DNAH5: variants seen among roughly 807,000 people sequenced by gnomAD.
DNAH5 encodes the protein axonemal beta dynein heavy chain 5.
In DNAH5, 372 loss-of-function variants were observed where a neutral mutation model predicts 518.2. The ratio of observed to expected loss-of-function variants is 0.72; its 90% CI spans 0.66 to 0.78. DNAH5 has a LOEUF of 0.78. Ranked by LOEUF, DNAH5 falls within the 30% of genes least tolerant of loss-of-function variation. The pLI is 0.00. For synonymous variants in DNAH5, 2,039 were observed against 2,025.9 expected (o/e 1.01, Z -0.17); for missense variants, 5,523 against 5,687.0 (o/e 0.97, Z 0.93).
At chr5:13,877,692 T>C (rs1771083905) in intron 21 of DNAH5, among the ~76,000 whole-genome samples, 1 of 152,034 alleles carries the variant, frequency 6.6e-6, no homozygotes, top group African/African-American at 2.4e-5. Flanking sequence ...AACCAGAGAA[T>C]TGGGAAAGGA....
At chr5:13,904,844 G>A (rs1021751168) in intron 12 of DNAH5, among the ~76,000 whole-genome samples, 1 of 152,092 alleles carries the variant, frequency 6.6e-6, no homozygotes, top group Admixed American at 6.6e-5. Flanking sequence ...CCAGCAGATC[G>A]AGGCTGCTGT....
At chr5:13,976,225 T>G (rs1782231222) in intron 1 of DNAH5, among the ~76,000 whole-genome samples, 1 of 152,232 alleles carries the variant, frequency 6.6e-6, no homozygotes, top group Non-Finnish European at 1.5e-5. Flanking sequence ...CTTTTTATTA[T>G]TAGATACAGT....
At chr5:13,830,902 G>A (rs922581089) in intron 35 of DNAH5, 127 bp from the exon 36 acceptor site, 25 of 850,232 alleles carry the variant, frequency 2.9e-5, no homozygotes, top group South Asian at 8.6e-5. Context: ...CTAACATTTC[G>A]AATACAACAT....
intron 67 of DNAH5, among the ~76,000 whole-genome samples, 170 bp downstream of exon 67, chr5:13,735,648 A>G (rs1747287473): frequency 6.6e-6 from 1 of 152,230 alleles, no homozygotes; most frequent in African/African-American, 2.4e-5. Flanking sequence ...TTCTCTGGGC[A>G]TAAAATGGCA....
In DNAH5 at chr5:13,922,118, G is replaced by C. The variant is rs754245472; in HGVS notation, c.649C>G (p.Leu217Val). 6.2e-7 allele frequency: 1 copy of C among 1,614,028 alleles called. No homozygotes were observed. The highest frequency in any genetic ancestry group is 8.5e-7 in the Non-Finnish European group (1 of 1,179,988). ...TTATTCGTCCTCACCTTCTCCTTCA[G>C]ACTCTCCTGTGCACCCGACAGGACG... ...VNVLSGAQES[L>V]KEKVNLRKCD... The change falls in exon 5 of 79, where the codon CTG (leucine) becomes GTG (valine). Residue 217 changes from leucine (L) to valine (V), a missense_variant. By Grantham distance (32) the Leu-to-Val change is conservative. This residue lies in a region of DNAH5 where 5,121 missense variants were observed against 5,223.3 expected (regional missense o/e 0.98). Transcript: ENST00000265104.
At chr5:13,889,904 G>A (rs947984493) in intron 17 of DNAH5, among the ~76,000 whole-genome samples, 3 of 152,072 alleles carry the variant, frequency 2.0e-5, no homozygotes, top group African/African-American at 7.2e-5. Context: ...TCCTAGTGGG[G>A]GTGGTCTTGG....
rs1752922339 is a variant in DNAH5, at chr5:13,769,074, C to G, written c.9783G>C (p.Lys3261Asn). 6.2e-7 allele frequency: 1 copy of G among 1,614,120 alleles called. No homozygotes were observed. The highest frequency in any genetic ancestry group is 1.3e-5 in the African/African-American group (1 of 74,950). Residue 3261 changes from lysine to asparagine, a missense_variant, in exon 58 of 79, where the codon AAG (lysine) becomes AAC (asparagine). Around this residue, in one of 3 missense-constraint regions of DNAH5, gnomAD observed 5,121 missense variants for 5,223.3 expected, o/e 0.98. Coordinates refer to ENST00000265104, the MANE Select transcript of DNAH5 (RefSeq NM_001369.3). ...AAEKVKAEVQ[K>N]VKDRAQAIVD... ...CAATGGCCTGGGCCCTGTCCTTCAC[C>G]TTCTGTACCTCAGCCTTGACCTTTT...
intron 1 of DNAH5, among the ~76,000 whole-genome samples, chr5:13,998,296 G>A (rs1475216749): frequency 1.3e-5 from 2 of 152,126 alleles, no homozygotes; most frequent in East Asian, 3.9e-4. Flanking sequence ...ACTTCCTTAA[G>A]CCCTTTATAA....
At chr5:13,983,632 C>T (rs1028922401) in intron 1 of DNAH5, among the ~76,000 whole-genome samples, 3 of 152,138 alleles carry the variant, frequency 2.0e-5, no homozygotes, top group Admixed American at 6.5e-5. Flanking sequence ...GGGTCCTGGA[C>T]CATGCTTTAA....
chr5:13,995,802 G>T (rs1272330799), intron 1 of DNAH5, among the ~76,000 whole-genome samples: 7 of 152,198 alleles, frequency 4.6e-5, no homozygotes, highest in Admixed American at 4.6e-4. Context: ...ATTTTCCAGA[G>T]TGAATACAAA....
intron 47 of DNAH5, among the ~76,000 whole-genome samples, chr5:13,805,149 T>G (rs971181795): frequency 1.3e-5 from 2 of 152,112 alleles, no homozygotes; most frequent in Admixed American, 6.5e-5. Context: ...GTTGAAGTTT[T>G]AAGTCACATG....
intron 1 of DNAH5, among the ~76,000 whole-genome samples, chr5:13,971,331 G>C (rs1781852813): frequency 6.6e-6 from 1 of 152,106 alleles, no homozygotes; most frequent in South Asian, 2.1e-4. Flanking sequence ...TGATCCTTTA[G>C]GGGTGTTAAA....
intron 1 of DNAH5, among the ~76,000 whole-genome samples, chr5:13,959,310 C>T (rs148898461): frequency 3.3e-5 from 5 of 152,274 alleles, no homozygotes; most frequent in Non-Finnish European, 5.9e-5. Flanking sequence ...CAGATACAGG[C>T]CATTTTGAAT....
intron 65 of DNAH5, among the ~76,000 whole-genome samples, chr5:13,742,995 A>G (rs1164937761): frequency 6.6e-6 from 1 of 152,096 alleles, no homozygotes; most frequent in African/African-American, 2.4e-5. Context: ...GGATATGGTT[A>G]TAGGCATATT....
intron 2 of DNAH5, among the ~76,000 whole-genome samples, chr5:13,930,359 C>T (rs1340457674): frequency 1.3e-5 from 2 of 152,158 alleles, no homozygotes; most frequent in African/African-American, 2.4e-5. Context: ...AAACTAGTAC[C>T]TCCCTGCCTA....
At chr5:13,946,654 G>A (rs1283040175), upstream of DNAH5, among the ~76,000 whole-genome samples, 1 of 152,210 alleles carries the variant, frequency 6.6e-6, no homozygotes, top group Non-Finnish European at 1.5e-5. Flanking sequence ...ACACGAGGGA[G>A]GTCTGCAGCC....
At position 13,907,888 on chromosome 5, in the gene DNAH5, A is replaced by G. The variant is rs185061015; in HGVS notation, c.1644+3498T>C. Among the ~76,000 whole-genome samples, 381 of 152,362 alleles carry G rather than the reference A, an allele frequency of 2.5e-3. 3 individuals carry two copies. Among genetic ancestry groups the G allele is most frequent in the African/African-American group, 8.9e-3 (369 of 41,582 alleles). ...TAAGTCTTTGCAAACTTGAAGAGAC[A>G]TTAATTGATGTAGTATTAAATTGAG... On this transcript the variant is annotated intron_variant, in intron 12 of 78. Transcript: ENST00000265104.
At position 13,841,037 on chromosome 5, in the gene DNAH5, T is replaced by C. The variant is rs751944938; in HGVS notation, c.5578A>G (p.Asn1860Asp). The change falls in exon 34 of 79, where the codon AAT becomes GAT. Residue 1860 changes from asparagine (N) to aspartate (D), a missense_variant. By Grantham distance (23) the Asn-to-Asp change is conservative (BLOSUM62 1). Coordinates refer to ENST00000265104, the MANE Select transcript of DNAH5 (RefSeq NM_001369.3). ...TTGAGTAGCTCCAGGAAAGCCTGAT[T>C]AGTTTTCTGCATGATTTTTTTATCA... is the stretch of plus-strand genomic sequence containing the variant. ...KFDKKIMQKT[N>D]QAFLELLNTL... 1.9e-6 allele frequency: 3 copies of C among 1,614,182 alleles called. No homozygotes were observed. In the South Asian group the frequency reaches 3.3e-5, roughly 18 times the overall value.
At chr5:13,774,060 A>G (rs1753730951) in intron 55 of DNAH5, among the ~76,000 whole-genome samples, 1 of 152,156 alleles carries the variant, frequency 6.6e-6, no homozygotes, top group South Asian at 2.1e-4. Flanking sequence ...TCCTAAGAAC[A>G]ATAGGAAGAC....
Sources: allele counts gnomAD v4.1 joint callset (sites outside exome capture counted in the v4.1 genomes callset), GRCh38; gene constraint gnomAD v4.1.1; regional missense constraint gnomAD v4.1.1; transcripts MANE v1.5; gene names NCBI Gene and HGNC (gene_info 2026-07-23, HGNC 2026-07-21).